The following PFKFB3 variants were observed in gnomAD, a reference collection of about 807,000 sequenced individuals.
The protein encoded by PFKFB3 is 6-phosphofructo-2-kinase/fructose-2,6-bisphosphatase 3.
A neutral mutation model predicts 68.0 loss-of-function variants in PFKFB3; 33 were observed. That is an observed-to-expected ratio of 0.49 (90% CI 0.37 to 0.65). The LOEUF (loss-of-function observed/expected upper bound fraction) is 0.65, where lower values mean the gene tolerates loss of function less well. Among genes scored for constraint, PFKFB3 ranks in the 30% least tolerant of loss-of-function variants. The pLI is 0.00. For synonymous variants in PFKFB3, 315 were observed against 288.2 expected (o/e 1.09, Z -0.94); for missense variants, 586 against 712.2 (o/e 0.82, Z 2.02).
At chr10:6,307,530 C>T in the PFKFB3 span, among the ~76,000 whole-genome samples, 1,071 of 143,528 alleles carry the variant, frequency 7.5e-3, 16 homozygotes, top group African/African-American at 0.027. Context: ...TCCTTCCTTC[C>T]TTCCTTCCTT....
intron 1 of PFKFB3, chr10:6,145,067 G>T (rs936379528): frequency 1.0e-5 from 13 of 1,275,560 alleles, no homozygotes; most frequent in African/African-American, 6.2e-5. Flanking sequence ...GGACCTGAGC[G>T]GCCGCCTGTG....
chr10:6,281,166 C>CTCATATATAT, the PFKFB3 span, among the ~76,000 whole-genome samples: 3,985 of 82,348 alleles, frequency 0.048, 734 homozygotes, highest in Non-Finnish European at 0.085. Context: ...AGTATTCCAT[C>CTCATATATAT]ATATATATAT....
In PFKFB3 at chr10:6,228,075, G is replaced by A. The variant is rs934295217; in HGVS notation, c.1515+1710G>A. ...GTTGGGAGGACAGTCCTTCAGGGTG[G>A]CCAGGTTCTTAGGGACGTCTGAAGC... is the stretch of plus-strand genomic sequence containing the variant. On this transcript the variant is annotated intron_variant, in intron 14 of 14. Coordinates refer to ENST00000379775, the MANE Select transcript of PFKFB3 (RefSeq NM_004566.4). This position sits in a 1 kb window ranked among gnomAD's most constrained non-coding sequence, Gnocchi z 4.5. 2 of 1,030,502 alleles carry A rather than the reference G, an allele frequency of 1.9e-6. No individual in the cohort carries two copies. The highest frequency in any genetic ancestry group is 3.0e-6 in the Non-Finnish European group (2 of 663,858). 63.8% of individuals were successfully genotyped at this position (1,030,502 alleles called of 1,614,324 possible). A position where few individuals can be genotyped will look rare whatever the true frequency, so the allele number is the denominator to read the frequency against.
chr10:6,171,768 T>C (rs79628366), intron 1 of PFKFB3, among the ~76,000 whole-genome samples: 1,652 of 152,344 alleles, frequency 0.011, 70 homozygotes, highest in East Asian at 0.1. Context: ...ATATTAGATA[T>C]AGATAAACAG....
the PFKFB3 span, among the ~76,000 whole-genome samples, chr10:6,311,402 A>T: frequency 6.6e-6 from 1 of 152,110 alleles, no homozygotes; most frequent in Non-Finnish European, 1.5e-5. Flanking sequence ...TTTCTGGCAG[A>T]ACCTCTCAGG....
At chr10:6,185,723 T>C (rs1842851679) in intron 1 of PFKFB3, among the ~76,000 whole-genome samples, 1 of 142,786 alleles carries the variant, frequency 7.0e-6, no homozygotes. Flanking sequence ...CACTGCAACC[T>C]CTGCCTCCTG....
At chr10:6,266,867 G>A in the PFKFB3 span, among the ~76,000 whole-genome samples, 5 of 152,240 alleles carry the variant, frequency 3.3e-5, no homozygotes, top group East Asian at 1.9e-4. Context: ...GGTCTCATGC[G>A]TGCGAAGCAG....
In PFKFB3 at chr10:6,221,534, C is replaced by A. The variant is rs1264013224; in HGVS notation, c.978+7C>A. 1.9e-6 allele frequency: 3 copies of A among 1,612,926 alleles called. No individual in the cohort carries two copies. The South Asian group carries it at 3.3e-5, about 18-fold the overall frequency. Reference sequence around the variant, plus strand: ...GCTCAATGAGATCGACGCGGTGAGTCCTGGGAGGCGGGCAGGCAGCCTCAC... The same window carrying A: ...GCTCAATGAGATCGACGCGGTGAGTACTGGGAGGCGGGCAGGCAGCCTCAC... On this transcript the variant is annotated splice_region_variant and intron_variant, in intron 9 of 14. Coordinates refer to ENST00000379775, the MANE Select transcript of PFKFB3 (RefSeq NM_004566.4).
At chr10:6,145,450 C>T (rs996858860) in intron 1 of PFKFB3, among the ~76,000 whole-genome samples, 1 of 152,182 alleles carries the variant, frequency 6.6e-6, no homozygotes, top group Non-Finnish European at 1.5e-5. Flanking sequence ...CGAATTCCCG[C>T]TTCCCGCTGC....
chr10:6,176,309 T>A (rs546835591), intron 1 of PFKFB3, among the ~76,000 whole-genome samples: 4 of 152,194 alleles, frequency 2.6e-5, no homozygotes, highest in African/African-American at 7.2e-5. Context: ...CACGGGGGTT[T>A]CTGTAGCGAC....
intron 1 of PFKFB3, among the ~76,000 whole-genome samples, chr10:6,210,007 C>A (rs1436360323): frequency 6.8e-6 from 1 of 147,900 alleles, no homozygotes; most frequent in Non-Finnish European, 1.5e-5. Context: ...CCGCCTCGGC[C>A]TCCCAAAGTG....
At chr10:6,177,194 C>T (rs552550902) in intron 1 of PFKFB3, among the ~76,000 whole-genome samples, 16 of 152,274 alleles carry the variant, frequency 1.1e-4, no homozygotes, top group African/African-American at 3.4e-4. Context: ...TAGGCTTGAC[C>T]GGCTTCTGTG....
chr10:6,172,168 A>G (rs1211322374), intron 1 of PFKFB3, among the ~76,000 whole-genome samples: 5 of 152,246 alleles, frequency 3.3e-5, no homozygotes, highest in African/African-American at 9.6e-5. Flanking sequence ...CCCATCAGGC[A>G]TGCGGCTGTG....
intron 1 of PFKFB3, among the ~76,000 whole-genome samples, chr10:6,162,814 C>T (rs1327595347): frequency 6.6e-6 from 1 of 152,130 alleles, no homozygotes; most frequent in Non-Finnish European, 1.5e-5. Context: ...CAGTCTCGGC[C>T]TTGGGAGCAG....
Position 6,210,355 on chromosome 10 carries a change from T to G in PFKFB3, c.77-3268T>G, listed in dbSNP as rs201468496. Reference sequence around the variant, plus strand: ...CTCTTTGTTTTTTTTTGTTTTTTTTTGTTTTTTTGTTTTTTTTTTTTTTGA... The same window carrying G: ...CTCTTTGTTTTTTTTTGTTTTTTTTGGTTTTTTTGTTTTTTTTTTTTTTGA... On this transcript the variant is annotated intron_variant, in intron 1 of 14. Transcript: ENST00000379775. Among the ~76,000 whole-genome samples the G allele has an allele frequency of 7.3e-4, 28 of 38,270 alleles. 4 individuals are homozygous for G. Among genetic ancestry groups the G allele is most frequent in the African/African-American group, 1.5e-3 (21 of 14,140 alleles). The allele number at this position is 38,270 out of a possible 152,430, so 25.1% of individuals were successfully genotyped here.
intron 14 of PFKFB3, among the ~76,000 whole-genome samples, chr10:6,244,187 G>T (rs983345714): frequency 6.6e-6 from 1 of 152,178 alleles, no homozygotes; most frequent in Non-Finnish European, 1.5e-5. Context: ...TCATCCCATT[G>T]AGGGGAGAGC....
chr10:6,236,190 C>T (rs146950430), downstream of PFKFB3, among the ~76,000 whole-genome samples: 24 of 152,338 alleles, frequency 1.6e-4, no homozygotes, highest in East Asian at 4.4e-3. Context: ...TGCCCTTCCC[C>T]ATCTCCTGGC....
chr10:6,262,111 C>T, the PFKFB3 span, among the ~76,000 whole-genome samples: 1 of 151,592 alleles, frequency 6.6e-6, no homozygotes, highest in Non-Finnish European at 1.5e-5. Context: ...CATGAGTTTA[C>T]CTACCTAACA....
the PFKFB3 span, among the ~76,000 whole-genome samples, chr10:6,317,217 A>G: frequency 6.6e-6 from 1 of 152,158 alleles, no homozygotes; most frequent in Non-Finnish European, 1.5e-5. Context: ...TAACTCTAGC[A>G]AGGGGCAATG....
Sources: gnomAD v4.1 joint callset for allele counts (sites outside exome capture counted in the v4.1 genomes callset) on GRCh38, gnomAD v4.1.1 for gene constraint, Gnocchi (gnomAD v3.1) non-coding constraint, MANE v1.5 for transcripts, NCBI Gene and HGNC (gene_info 2026-07-23, HGNC 2026-07-21) for gene names.